Variants in LEMD2 observed in about 807,000 individuals in gnomAD.
LEMD2 encodes LEM domain nuclear envelope protein 2, also known as LEM domain-containing protein 2.
LEMD2 carries 34 observed loss-of-function variants against 58.8 expected under a neutral mutation model. The observed-to-expected ratio is 0.58, with a 90% CI of 0.44 to 0.77. The LOEUF (loss-of-function observed/expected upper bound fraction) is 0.77, where lower values mean the gene tolerates loss of function less well. Among genes scored for constraint, LEMD2 ranks in the 30% least tolerant of loss-of-function variants. The pLI, the probability that LEMD2 is intolerant of heterozygous loss-of-function variation, is 0.00. For missense variants in LEMD2, 629 were observed against 717.9 expected (o/e 0.88, Z 1.42); for synonymous variants, 298 against 308.9 (o/e 0.96, Z 0.37).
At chr6:33,787,454 A>T (rs1487069568) in intron 1 of LEMD2, among the ~76,000 whole-genome samples, 1 of 152,274 alleles carries the variant, frequency 6.6e-6, no homozygotes, top group African/African-American at 2.4e-5. Context: ...CTGCCACACC[A>T]GCTAAGACAT....
Position 33,772,588 on chromosome 6 carries a change from CCTGGGA to C in LEMD2, c.*34_*39del, listed in dbSNP as rs759865501. 1 of 1,596,252 alleles carries C rather than the reference CCTGGGA, an allele frequency of 6.3e-7. No homozygotes were observed. Among genetic ancestry groups the C allele is most frequent in the African/African-American group, 1.3e-5 (1 of 74,886 alleles). On this transcript the variant is annotated 3_prime_UTR_variant, in exon 9 of 9. Coordinates refer to ENST00000293760, the MANE Select transcript of LEMD2 (RefSeq NM_181336.4). ...CTCCTGTGCCTCTGGAGTGGGCTGT[CCTGGGA>C]CAGGCTGACCGGGAACAAGTCCCCG...
Position 33,789,102 on chromosome 6 carries a change from C to G in LEMD2, c.15G>C (p.Ser5=). 1 of 1,536,506 alleles carries G rather than the reference C, an allele frequency of 6.5e-7. No homozygotes were observed. Among genetic ancestry groups the G allele is most frequent in the Non-Finnish European group, 8.7e-7 (1 of 1,151,914 alleles). The change falls in exon 1 of 9, where the codon TCG becomes TCC. Residue 5 remains serine (S), a synonymous_variant. Transcript: ENST00000293760. ...GCAGCTCCCGCCGCAGTTCCAGGTC[C>G]GACAGGCCGGCCATGGCCAGGACGC... MAGL[S]DLELRRELQA...
In LEMD2 at chr6:33,788,544, G is replaced by A; in HGVS notation, c.573C>T (p.Gly191=). The part of the protein sequence containing the change: ...PRPGLRATRA[G]PAGAARARPE... ...GCCGGGCCCTCGCCGCGCCAGCAGG[G>A]CCCGCTCGAGTCGCCCGCAGGCCCG... Residue 191 remains glycine (G), a synonymous_variant, in exon 1 of 9, where the codon GGC becomes GGT. Coordinates refer to ENST00000293760, the MANE Select transcript of LEMD2 (RefSeq NM_181336.4). 2.1e-6 allele frequency: 3 copies of A among 1,461,006 alleles called. No individual in the cohort carries two copies. Among genetic ancestry groups the A allele is most frequent in the Non-Finnish European group, 2.7e-6 (3 of 1,108,838 alleles). The allele number at this position is 1,461,006 out of a possible 1,614,324, so 90.5% of individuals were successfully genotyped here. A position where few individuals can be genotyped will look rare whatever the true frequency, so the allele number is the denominator to read the frequency against.
chr6:33,780,143 C>A lies in LEMD2; in HGVS notation c.967G>T (p.Ala323Ser). 6.3e-7 allele frequency: 1 copy of A among 1,596,730 alleles called. No individual in the cohort carries two copies. Among genetic ancestry groups the A allele is most frequent in the South Asian group, 1.1e-5 (1 of 88,142 alleles). The stretch of plus-strand genomic sequence containing the variant: ...TTACTGCTCAGTATCCAGGTCAGTG[C>A]GGCTTCAAACTTGGCGGAGGAGCTG... ...TSSSSAKFEAALTWILSSNKD... is the reference protein window; with the variant it reads ...TSSSSAKFEASLTWILSSNKD... The change falls in exon 5 of 9, where the codon GCA (alanine) becomes TCA (serine). Residue 323 changes from alanine (A) to serine (S), a missense_variant. Transcript: ENST00000293760.
At position 33,771,470 on chromosome 6, in the gene LEMD2, G is replaced by A. The variant is rs939966418; in HGVS notation, c.*1158C>T. The A allele has an allele frequency of 6.6e-6, 1 of 152,258 alleles. No individual in the cohort carries two copies. Among genetic ancestry groups the A allele is most frequent in the Admixed American group, 6.5e-5 (1 of 15,290 alleles). The allele number at this position is 152,258 out of a possible 1,614,324, so 9.4% of individuals were successfully genotyped here. Reference sequence around the variant, plus strand: ...CTAGAGAGGGGTGGTTAATGTTTCTGGAGGCAGCTGTGGAATTTCCTGTTT... The same window carrying A: ...CTAGAGAGGGGTGGTTAATGTTTCTAGAGGCAGCTGTGGAATTTCCTGTTT... On this transcript the variant is annotated 3_prime_UTR_variant, in exon 9 of 9. Transcript: ENST00000293760.
At chr6:33,783,029 C>A (rs1454813458) in intron 3 of LEMD2, among the ~76,000 whole-genome samples, 2 of 152,216 alleles carry the variant, frequency 1.3e-5, no homozygotes, top group Non-Finnish European at 2.9e-5. Flanking sequence ...TGCTTCTCAA[C>A]TTTAGGGTGC....
At chr6:33,785,240 G>T (rs111503930) in intron 2 of LEMD2, among the ~76,000 whole-genome samples, 58 of 152,204 alleles carry the variant, frequency 3.8e-4, no homozygotes, top group South Asian at 1.5e-3. Flanking sequence ...CAAGAAACAC[G>T]TCCCCACCTG....
rs951196739 is a variant in LEMD2, at chr6:33,788,732, G to C, written c.385C>G (p.Leu129Val). ...CCCCGGACCGAGGCGCGGCGCCTGA[G>C]TTGCGCCGGGCGGGCAGGATAGGCG... is the stretch of plus-strand genomic sequence containing the variant. ...GLAYPARPAQ[L>V]RRRASVRGSS... The change falls in exon 1 of 9, where the codon CTC (leucine) becomes GTC (valine). Residue 129 changes from leucine (L) to valine (V), a missense_variant. This residue lies in a region of LEMD2 where 386 missense variants were observed against 381.1 expected (regional missense o/e 1.01). Transcript: ENST00000293760. 4.2e-6 allele frequency: 6 copies of C among 1,430,068 alleles called. No individual in the cohort carries two copies. The highest frequency in any genetic ancestry group is 5.5e-6 in the Non-Finnish European group (6 of 1,093,312). 88.6% of individuals were successfully genotyped at this position (1,430,068 alleles called of 1,614,324 possible).
At chr6:33,773,880 T>G (rs1767366281) in intron 8 of LEMD2, among the ~76,000 whole-genome samples, 1 of 152,094 alleles carries the variant, frequency 6.6e-6, no homozygotes, top group Non-Finnish European at 1.5e-5. Context: ...TCTCCTGACG[T>G]GGGGAGCTTG....
In LEMD2 at chr6:33,772,494, T is replaced by C. The variant is rs950838584; in HGVS notation, c.*134A>G. On this transcript the variant is annotated 3_prime_UTR_variant, in exon 9 of 9. Coordinates refer to ENST00000293760, the MANE Select transcript of LEMD2 (RefSeq NM_181336.4). The stretch of plus-strand genomic sequence containing the variant: ...CTCCTCTGAAGAGTATGGCAGACCT[T>C]TGGAATCGTGTCAGGACGAGACTGA... The C allele has an allele frequency of 2.5e-4, 202 of 818,428 alleles. No homozygotes were observed. The highest frequency in any genetic ancestry group is 3.6e-4 in the Non-Finnish European group (187 of 521,348). 50.7% of individuals were successfully genotyped at this position (818,428 alleles called of 1,614,324 possible).
Position 33,777,177 on chromosome 6 carries a change from CCTCTT to C in LEMD2, c.1214_1218del (p.Glu405GlyfsTer7). ...ACCATCTCATACATGGCTTGTTCCTCCTCTTCTAACTTTCGCCACCGATATTTTAG... is the reference window on the plus strand; with the variant it reads ...ACCATCTCATACATGGCTTGTTCCTCCTAACTTTCGCCACCGATATTTTAG... On this transcript the variant is annotated frameshift_variant, in exon 7 of 9. Coordinates refer to ENST00000293760, the MANE Select transcript of LEMD2 (RefSeq NM_181336.4). LOFTEE classifies it high-confidence loss of function. The C allele has an allele frequency of 6.2e-7, 1 of 1,614,206 alleles. No individual in the cohort carries two copies. Among genetic ancestry groups the C allele is most frequent in the Non-Finnish European group, 8.5e-7 (1 of 1,180,040 alleles).
At chr6:33,781,010 G>A (rs1187370335) in intron 4 of LEMD2, 67 bp downstream of exon 4, 8 of 1,090,996 alleles carry the variant, frequency 7.3e-6, no homozygotes, top group Admixed American at 2.1e-5. Context: ...ACCCCAACAG[G>A]GCTTGAAAGA....
chr6:33,780,741 CG>C (rs768209934), intron 4 of LEMD2, among the ~76,000 whole-genome samples: 12 of 152,080 alleles, frequency 7.9e-5, no homozygotes, highest in Non-Finnish European at 1.3e-4. Context: ...GGTAATCATA[CG>C]GGGGAGAAGG....
chr6:33,772,924 T>C (rs1767338010), intron 8 of LEMD2, 146 bp from the exon 9 acceptor site: 1 of 672,836 alleles, frequency 1.5e-6, no homozygotes, highest in African/African-American at 1.8e-5. Context: ...ACATGACAAC[T>C]GCAGAGGAGA....
In LEMD2 at chr6:33,784,359, G is replaced by C. The variant is rs746492603; in HGVS notation, c.846C>G (p.Ile282Met). The C allele has an allele frequency of 2.5e-6, 4 of 1,606,836 alleles. No individual in the cohort carries two copies. Among genetic ancestry groups the C allele is most frequent in the Admixed American group, 1.7e-5 (1 of 59,676 alleles). ...CTTACGTGACTTACTCACCAGCTTG[G>C]ATGGCCAGGAAATTGTAGAGTTCAT... ...LLHELYNFLA[I>M]QAGNFECGNP... Residue 282 changes from isoleucine to methionine, a missense_variant, in exon 3 of 9, where the codon ATC (isoleucine) becomes ATG (methionine). By Grantham distance (10) the Ile-to-Met change is conservative. Coordinates refer to ENST00000293760, the MANE Select transcript of LEMD2 (RefSeq NM_181336.4).
At position 33,772,719 on chromosome 6, in the gene LEMD2, C is replaced by T; in HGVS notation, c.1421G>A (p.Arg474Gln). ...AVEFLASNES[R>Q]IQTESHRVAG... is the part of the protein sequence containing the mutation. ...AACGCGGTGGGACTCCGTCTGGATC[C>T]GGGATTCGTTGGAGGCCAGGAACTC... is the stretch of plus-strand genomic sequence containing the variant. Residue 474 changes from arginine (R) to glutamine (Q), a missense_variant, in exon 9 of 9, where the codon CGG becomes CAG. Coordinates refer to ENST00000293760, the MANE Select transcript of LEMD2 (RefSeq NM_181336.4). 1.2e-6 allele frequency: 2 copies of T among 1,614,034 alleles called. No individual in the cohort carries two copies. The highest frequency in any genetic ancestry group is 8.5e-7 in the Non-Finnish European group (1 of 1,180,010).
intron 8 of LEMD2, among the ~76,000 whole-genome samples, chr6:33,774,430 A>ATTT (rs59520978): frequency 2.5e-5 from 3 of 121,362 alleles, no homozygotes; most frequent in African/African-American, 6.5e-5. Context: ...TTGGTCTCCC[A>ATTT]TTTTTTTTTT....
chr6:33,785,623 A>G (rs961867179), intron 2 of LEMD2, among the ~76,000 whole-genome samples: 8 of 152,344 alleles, frequency 5.3e-5, no homozygotes, highest in African/African-American at 1.7e-4. Flanking sequence ...AGACAAAACT[A>G]ACAGCACTGA....
intron 1 of LEMD2, chr6:33,787,151 G>C (rs1047542725): frequency 1.9e-4 from 43 of 228,608 alleles, no homozygotes; most frequent in African/African-American, 9.5e-4. Flanking sequence ...ACAATGATAT[G>C]TTAAACAGAG....
Sources: gnomAD v4.1 joint callset for allele counts (sites outside exome capture counted in the v4.1 genomes callset) on GRCh38, gnomAD v4.1.1 for gene constraint, gnomAD v4.1.1 regional missense constraint, MANE v1.5 for transcripts, NCBI Gene and HGNC (gene_info 2026-07-23, HGNC 2026-07-21) for gene names.